Variants in CFAP119 observed in about 807,000 individuals in gnomAD.
The protein encoded by CFAP119 is cilia and flagella associated protein 119, also known as cilia- and flagella-associated protein 119.
At chr16:30,761,782 G>A in the CFAP119 span, 2 of 1,493,672 alleles carry the variant, frequency 1.3e-6, no homozygotes, top group Non-Finnish European at 1.8e-6. Flanking sequence ...GGCGCCCCGG[G>A]CTCCCGCCGC....
the CFAP119 span, chr16:30,761,769 C>T: frequency 6.6e-7 from 1 of 1,505,512 alleles, no homozygotes; most frequent in Non-Finnish European, 8.9e-7. Context: ...TTCCGTGCCG[C>T]GAGGCGCCCC....
At chr16:30,760,537 C>T in the CFAP119 span, 7 of 1,601,700 alleles carry the variant, frequency 4.4e-6, no homozygotes, top group East Asian at 1.4e-4. Context: ...TCAGCCATTC[C>T]TCATGTTTTC....
At chr16:30,760,290 A>G in the CFAP119 span, 16 of 1,614,070 alleles carry the variant, frequency 9.9e-6, no homozygotes, top group Non-Finnish European at 1.4e-5. Flanking sequence ...TCACCAATAC[A>G]AGCCTTGTGA....
the CFAP119 span, chr16:30,759,325 G>A: frequency 6.2e-7 from 1 of 1,612,696 alleles, no homozygotes; most frequent in South Asian, 1.1e-5. Flanking sequence ...GGCTCCTCAT[G>A]GTCCACCACC....
chr16:30,760,254 G>A, the CFAP119 span: 3 of 1,613,806 alleles, frequency 1.9e-6, no homozygotes, highest in Non-Finnish European at 2.5e-6. Flanking sequence ...TTCTCCCTGG[G>A]GCTCAAACCT....
At chr16:30,762,049 C>T in the CFAP119 span, 1 of 465,752 alleles carries the variant, frequency 2.1e-6, no homozygotes, top group African/African-American at 2.1e-5. Context: ...CCCTCTCTTC[C>T]AGGTTGCTAA....
At chr16:30,759,827 T>C in the CFAP119 span, 3 of 1,498,708 alleles carry the variant, frequency 2.0e-6, no homozygotes, top group Non-Finnish European at 2.7e-6. Flanking sequence ...AGCAGACAGA[T>C]CTGGGTTTCA....
At chr16:30,757,617 T>G in the CFAP119 span, 3 of 1,614,108 alleles carry the variant, frequency 1.9e-6, no homozygotes, top group South Asian at 3.3e-5. Context: ...CTTTGTTCAC[T>G]TGGGTCTTGA....
chr16:30,759,943 G>A, the CFAP119 span: 24 of 1,441,928 alleles, frequency 1.7e-5, no homozygotes, highest in Admixed American at 5.5e-5. Flanking sequence ...CTGCCCTTAC[G>A]AAGCTTATAT....
At chr16:30,761,697 GCTCCGA>G in the CFAP119 span, 1 of 1,534,916 alleles carries the variant, frequency 6.5e-7, no homozygotes, top group Admixed American at 2.0e-5. Context: ...AGATGTTCAA[GCTCCGA>G]CTGCACCCTC....
the CFAP119 span, chr16:30,761,097 T>A: frequency 7.3e-7 from 1 of 1,364,518 alleles, no homozygotes. Flanking sequence ...CAGGCCTCAG[T>A]CTCATCTGTA....
At chr16:30,757,874 C>G in the CFAP119 span, 10 of 1,319,188 alleles carry the variant, frequency 7.6e-6, no homozygotes, top group Non-Finnish European at 9.8e-6. Flanking sequence ...GATCCCTACT[C>G]AGTAGCTGTG....
At chr16:30,761,140 T>C in the CFAP119 span, 1 of 1,588,038 alleles carries the variant, frequency 6.3e-7, no homozygotes, top group Non-Finnish European at 8.6e-7. Context: ...GACAGGACTG[T>C]TGGGGAGACA....
chr16:30,760,363 G>GA, the CFAP119 span: 10 of 1,614,218 alleles, frequency 6.2e-6, no homozygotes, highest in Admixed American at 1.5e-4. Flanking sequence ...GCTGGCGGCA[G>GA]AAAATGAGCG....
chr16:30,758,824 C>A, the CFAP119 span: 2 of 976,116 alleles, frequency 2.0e-6, no homozygotes, highest in Non-Finnish European at 2.9e-6. Flanking sequence ...GCTGGGATTA[C>A]AGGTGTGAGC....
the CFAP119 span, chr16:30,760,761 G>T: frequency 8.5e-7 from 1 of 1,176,730 alleles, no homozygotes; most frequent in Non-Finnish European, 1.2e-6. Context: ...TTGGCCACCG[G>T]CGTGAAGCTG....
chr16:30,759,483 AC>A, the CFAP119 span: 1 of 1,614,020 alleles, frequency 6.2e-7, no homozygotes. Flanking sequence ...CGGAATTAGA[AC>A]CCTGACTACC....
At chr16:30,759,090 T>C in the CFAP119 span, 2 of 1,614,220 alleles carry the variant, frequency 1.2e-6, no homozygotes, top group Non-Finnish European at 1.7e-6. Context: ...ATCTCCTTGC[T>C]TTCTTCTTTC....
the CFAP119 span, chr16:30,761,560 TCCG>T: frequency 4.6e-6 from 7 of 1,536,016 alleles, no homozygotes; most frequent in East Asian, 1.7e-4. Context: ...ACAAGTTGGC[TCCG>T]GGGTCTTCAT....
Sources: gnomAD v4.1 joint callset for allele counts on GRCh38, gnomAD v4.1.1 for gene constraint, MANE v1.5 for transcripts, NCBI Gene and HGNC (gene_info 2026-07-23, HGNC 2026-07-21) for gene names.